Variants in PTPN14 observed in about 807,000 individuals in gnomAD.
PTPN14 encodes the protein protein tyrosine phosphatase non-receptor type 14, also known as tyrosine-protein phosphatase non-receptor type 14.
In PTPN14, 53 loss-of-function variants were observed where a neutral mutation model predicts 126.8. That is an observed-to-expected ratio of 0.42 (90% CI 0.34 to 0.53). PTPN14 has a LOEUF of 0.53. Among genes scored for constraint, PTPN14 ranks in the 20% least tolerant of loss-of-function variants. The probability of loss-of-function intolerance (pLI) is 0.08; values close to 1 mark genes in which losing one functional copy is unlikely to be tolerated. For synonymous variants in PTPN14, 630 were observed against 599.3 expected, an observed-to-expected ratio of 1.05 and a Z score of -0.75; for missense variants, 1,257 against 1,552.9, an observed-to-expected ratio of 0.81 and a Z score of 3.20.
intron 1 of PTPN14, among the ~76,000 whole-genome samples, chr1:214,496,098 T>C (rs936069939): frequency 1.3e-5 from 2 of 152,218 alleles, no homozygotes; most frequent in African/African-American, 2.4e-5. Flanking sequence ...GTCCTGAGCT[T>C]ATAATTTGCT....
chr1:214,368,408 C>T (rs935584510), intron 17 of PTPN14, among the ~76,000 whole-genome samples: 1 of 151,980 alleles, frequency 6.6e-6, no homozygotes. Flanking sequence ...ACCATGTTGG[C>T]CACGCTGGTC....
chr1:214,461,789 T>C (rs7523713), intron 2 of PTPN14, among the ~76,000 whole-genome samples: 8,534 of 152,180 alleles, frequency 0.056, 806 homozygotes, highest in African/African-American at 0.19. Context: ...TCTTGTGCAA[T>C]AGAGTTAGGC....
At chr1:214,377,823 T>A (rs778860037) in intron 14 of PTPN14, 136 bp downstream of exon 14, 2 of 1,112,386 alleles carry the variant, frequency 1.8e-6, no homozygotes, top group Admixed American at 2.3e-5. Context: ...AACACAGTTA[T>A]ACCTGATCTT....
At chr1:214,393,051 G>C (rs774367098) in intron 10 of PTPN14, among the ~76,000 whole-genome samples, 1 of 152,156 alleles carries the variant, frequency 6.6e-6, no homozygotes, top group Non-Finnish European at 1.5e-5. Flanking sequence ...AAAAGACAAC[G>C]ATAGAGTGAG....
intron 1 of PTPN14, chr1:214,533,424 G>C (rs1655608197): frequency 2.4e-6 from 1 of 417,674 alleles, no homozygotes; most frequent in Admixed American, 3.1e-5. Flanking sequence ...CAAAGTGAGT[G>C]GCAAAGTGGT....
rs923579400 is a variant in PTPN14, at chr1:214,464,977, G to A, written c.-154-20C>T. Reference sequence around the variant, plus strand: ...AGATAGCTGTAAATGCAAAAGAAATGCCATGGTCATGCTCCAGAAGGGACC... The same window carrying A: ...AGATAGCTGTAAATGCAAAAGAAATACCATGGTCATGCTCCAGAAGGGACC... On this transcript the variant is annotated intron_variant, in intron 1 of 18. Coordinates refer to ENST00000366956, the MANE Select transcript of PTPN14 (RefSeq NM_005401.5). The A allele has an allele frequency of 8.9e-6, 6 of 671,834 alleles. No individual in the cohort carries two copies. The highest frequency in any genetic ancestry group is 1.8e-5 in the African/African-American group (1 of 54,804). The allele number at this position is 671,834 out of a possible 1,614,324, so 41.6% of individuals were successfully genotyped here. A position where few individuals can be genotyped will look rare whatever the true frequency, so the allele number is the denominator to read the frequency against.
At chr1:214,495,807 GC>G (rs1661351650) in intron 1 of PTPN14, among the ~76,000 whole-genome samples, 1 of 152,124 alleles carries the variant, frequency 6.6e-6, no homozygotes, top group Non-Finnish European at 1.5e-5. Flanking sequence ...CGATGCTCCT[GC>G]CTCAGCCTCC....
chr1:214,451,165 T>C (rs890558475), intron 3 of PTPN14, among the ~76,000 whole-genome samples: 7 of 51,794 alleles, frequency 1.4e-4, no homozygotes, highest in Non-Finnish European at 2.8e-4. Flanking sequence ...TTTGTTGTTT[T>C]TGTTTTTGTT....
intron 2 of PTPN14, among the ~76,000 whole-genome samples, chr1:214,453,498 T>G (rs922987459): frequency 6.6e-6 from 1 of 152,210 alleles, no homozygotes; most frequent in African/African-American, 2.4e-5. Context: ...TTACAACTTT[T>G]GCCCACAGGC....
At chr1:214,368,976 C>T (rs1393039976) in intron 17 of PTPN14, among the ~76,000 whole-genome samples, 2 of 152,090 alleles carry the variant, frequency 1.3e-5, no homozygotes, top group African/African-American at 2.4e-5. Context: ...AGCGAGACTC[C>T]GCCTCAGAAA....
At chr1:214,377,227 C>T (rs897996864) in intron 14 of PTPN14, among the ~76,000 whole-genome samples, 3 of 152,222 alleles carry the variant, frequency 2.0e-5, no homozygotes, top group South Asian at 4.1e-4. Context: ...TTGCGGGAGA[C>T]ATGGATGGAG....
intron 1 of PTPN14, among the ~76,000 whole-genome samples, chr1:214,535,165 C>T (rs1027183110): frequency 2.0e-5 from 3 of 152,074 alleles, no homozygotes; most frequent in African/African-American, 7.2e-5. Context: ...TTATTTTTGT[C>T]AATGAAGTAT....
chr1:214,404,936 AC>A (rs1659126768), intron 5 of PTPN14, among the ~76,000 whole-genome samples: 1 of 151,794 alleles, frequency 6.6e-6, no homozygotes, highest in African/African-American at 2.4e-5. Flanking sequence ...TTCTAAGACT[AC>A]CCCCGGCCTA....
At chr1:214,542,494 T>C (rs1025622055) in intron 1 of PTPN14, among the ~76,000 whole-genome samples, 2 of 150,598 alleles carry the variant, frequency 1.3e-5, no homozygotes, top group Non-Finnish European at 3.0e-5. Context: ...CATGGGGGAG[T>C]GAAGCAGTGG....
intron 1 of PTPN14, among the ~76,000 whole-genome samples, chr1:214,475,107 T>G (rs1485354687): frequency 6.6e-6 from 1 of 152,206 alleles, no homozygotes; most frequent in Non-Finnish European, 1.5e-5. Context: ...CTCACCATTC[T>G]CTACAGCTTT....
chr1:214,459,131 A>G (rs9728667), intron 2 of PTPN14, among the ~76,000 whole-genome samples: 79,984 of 148,568 alleles, frequency 0.54, 22,112 homozygotes, highest in African/African-American at 0.67. Flanking sequence ...CCTCGCCTCC[A>G]ATCCCCACTC....
At chr1:214,407,438 G>C (rs548209036) in intron 5 of PTPN14, among the ~76,000 whole-genome samples, 13 of 151,912 alleles carry the variant, frequency 8.6e-5, no homozygotes, top group African/African-American at 2.9e-4. Flanking sequence ...TGAGGTTGTA[G>C]TGAGCTGAGA....
intron 1 of PTPN14, among the ~76,000 whole-genome samples, chr1:214,497,807 G>T (rs1443818240): frequency 2.6e-5 from 4 of 151,958 alleles, no homozygotes; most frequent in African/African-American, 9.7e-5. Context: ...CATAGGAAAA[G>T]TTCTGTGAGG....
At chr1:214,387,621 T>C (rs939720315) in intron 11 of PTPN14, among the ~76,000 whole-genome samples, 1 of 138,494 alleles carries the variant, frequency 7.2e-6, no homozygotes, top group Non-Finnish European at 1.5e-5. Context: ...GAGGTTGCAG[T>C]AAGCCAAGAT....
Sources: gnomAD v4.1 joint callset for allele counts (sites outside exome capture counted in the v4.1 genomes callset) on GRCh38, gnomAD v4.1.1 for gene constraint, MANE v1.5 for transcripts, NCBI Gene and HGNC (gene_info 2026-07-23, HGNC 2026-07-21) for gene names.